Variants in RBMS3 observed in about 807,000 individuals in gnomAD.
RBMS3 encodes the protein RNA-binding motif, single-stranded-interacting protein 3.
Under a neutral mutation model 66.8 loss-of-function variants are expected in RBMS3, and 27 were observed. The ratio of observed to expected loss-of-function variants is 0.40; its 90% CI spans 0.30 to 0.56. RBMS3 has a LOEUF of 0.56. Among genes scored for constraint, RBMS3 ranks in the 20% least tolerant of loss-of-function variants. The pLI, the probability that RBMS3 is intolerant of heterozygous loss-of-function variation, is 0.40. For missense variants in RBMS3, 513 were observed against 549.5 expected (o/e 0.93, Z 0.66); for synonymous variants, 188 against 183.0 (o/e 1.03, Z -0.22).
intron 4 of RBMS3, among the ~76,000 whole-genome samples, chr3:29,623,547 T>C (rs2149160808): frequency 7.2e-6 from 1 of 139,386 alleles, no homozygotes. Context: ...TGAGCCGAGA[T>C]CACACCACTG....
intron 1 of RBMS3, among the ~76,000 whole-genome samples, chr3:29,313,373 G>A (rs1344041591): frequency 6.6e-6 from 1 of 151,746 alleles, no homozygotes; most frequent in African/African-American, 2.4e-5. Flanking sequence ...GAGAAAGGAA[G>A]TTAATTCCAC....
chr3:29,786,399 C>G (rs554669103), intron 6 of RBMS3, among the ~76,000 whole-genome samples: 21 of 152,070 alleles, frequency 1.4e-4, no homozygotes, highest in Admixed American at 2.0e-4. Context: ...CAAGACTAAA[C>G]AAAAAGAACA....
chr3:29,571,620 T>C (rs561217491), intron 3 of RBMS3, among the ~76,000 whole-genome samples: 1 of 152,288 alleles, frequency 6.6e-6, no homozygotes, highest in East Asian at 1.9e-4. Flanking sequence ...TCTATTATGT[T>C]CCATTGGCCT....
chr3:29,809,838 T>C (rs993843837), intron 6 of RBMS3, among the ~76,000 whole-genome samples: 19 of 152,030 alleles, frequency 1.2e-4, no homozygotes, highest in African/African-American at 4.3e-4. Flanking sequence ...TAACTTTCAG[T>C]TTAGGAATTT....
At chr3:29,556,963 A>G (rs1392107630) in intron 3 of RBMS3, among the ~76,000 whole-genome samples, 1 of 152,152 alleles carries the variant, frequency 6.6e-6, no homozygotes, top group African/African-American at 2.4e-5. Context: ...TCCCTGCAAA[A>G]TTAGGCCAAA....
At chr3:29,511,691 C>T (rs998844105) in intron 3 of RBMS3, among the ~76,000 whole-genome samples, 1 of 152,090 alleles carries the variant, frequency 6.6e-6, no homozygotes, top group African/African-American at 2.4e-5. Context: ...TAAAGAATAA[C>T]ACCCCTTTTG....
chr3:29,857,265 T>C (rs1222265370), intron 6 of RBMS3, among the ~76,000 whole-genome samples: 2 of 152,156 alleles, frequency 1.3e-5, no homozygotes, highest in Non-Finnish European at 2.9e-5. Context: ...TGGAGTTCAG[T>C]CTAAGGGTGC....
At chr3:29,456,571 G>C (rs1212461265) in intron 2 of RBMS3, among the ~76,000 whole-genome samples, 1 of 152,062 alleles carries the variant, frequency 6.6e-6, no homozygotes, top group Admixed American at 6.5e-5. Flanking sequence ...CATACTATGT[G>C]GGATTATGAA....
chr3:29,631,356 T>A (rs1186856607), intron 4 of RBMS3, among the ~76,000 whole-genome samples: 1 of 151,864 alleles, frequency 6.6e-6, no homozygotes, highest in African/African-American at 2.4e-5. Context: ...CATCATTTCA[T>A]CTCTGACTGC....
intron 4 of RBMS3, among the ~76,000 whole-genome samples, chr3:29,718,923 C>T (rs745380579): frequency 7.9e-5 from 12 of 152,140 alleles, no homozygotes; most frequent in East Asian, 3.8e-4. Flanking sequence ...AGCATTCCTC[C>T]GTGAATATTA....
At chr3:29,695,891 T>C (rs1043524200) in intron 4 of RBMS3, among the ~76,000 whole-genome samples, 3 of 152,156 alleles carry the variant, frequency 2.0e-5, no homozygotes, top group African/African-American at 7.2e-5. Context: ...CAAGTTGATT[T>C]TTATTTCTTT....
At chr3:29,826,670 T>C (rs1559712348) in intron 6 of RBMS3, among the ~76,000 whole-genome samples, 1 of 152,154 alleles carries the variant, frequency 6.6e-6, no homozygotes, top group Non-Finnish European at 1.5e-5. Flanking sequence ...ATAATCTAAT[T>C]ACTTAACTTT....
intron 1 of RBMS3, among the ~76,000 whole-genome samples, chr3:29,358,300 G>A (rs1488690034): frequency 6.6e-6 from 1 of 152,142 alleles, no homozygotes; most frequent in Admixed American, 6.5e-5. Flanking sequence ...TGTTAAATAG[G>A]AAATCCTTTA....
intron 1 of RBMS3, among the ~76,000 whole-genome samples, chr3:29,391,664 A>G (rs2039301876): frequency 1.3e-5 from 2 of 152,166 alleles, no homozygotes; most frequent in Non-Finnish European, 2.9e-5. Flanking sequence ...TGTAAGTCAT[A>G]TGGGAAGGGT....
chr3:29,779,982 G>T (rs991442491), intron 6 of RBMS3, among the ~76,000 whole-genome samples: 1 of 151,050 alleles, frequency 6.6e-6, no homozygotes, highest in Non-Finnish European at 1.5e-5. Flanking sequence ...TAATAATGGG[G>T]GTAAAAAGGA....
chr3:29,921,933 TAGAC>T (rs1362461040), intron 10 of RBMS3, among the ~76,000 whole-genome samples: 1 of 152,222 alleles, frequency 6.6e-6, no homozygotes, highest in Non-Finnish European at 1.5e-5. Context: ...TTGCTCAACA[TAGAC>T]AGTCCCTTAA....
At chr3:29,852,377 A>G (rs2058957019) in intron 6 of RBMS3, among the ~76,000 whole-genome samples, 3 of 152,222 alleles carry the variant, frequency 2.0e-5, no homozygotes, top group South Asian at 4.1e-4. Flanking sequence ...TAAACAGACA[A>G]CCTACAGAAT....
intron 12 of RBMS3, among the ~76,000 whole-genome samples, chr3:29,961,300 C>T (rs536065345): frequency 6.6e-6 from 1 of 152,282 alleles, no homozygotes; most frequent in East Asian, 1.9e-4. Flanking sequence ...GCCTGGACTT[C>T]ATTGTCCATA....
chr3:29,461,042 G>T (rs1005967995), intron 2 of RBMS3, among the ~76,000 whole-genome samples: 1 of 152,148 alleles, frequency 6.6e-6, no homozygotes, highest in Non-Finnish European at 1.5e-5. Flanking sequence ...TTCCTTAACA[G>T]AAAATGTCAA....
Sources: gnomAD v4.1 joint callset for allele counts (sites outside exome capture counted in the v4.1 genomes callset) on GRCh38, gnomAD v4.1.1 for gene constraint, MANE v1.5 for transcripts, NCBI Gene and HGNC (gene_info 2026-07-23, HGNC 2026-07-21) for gene names.